Variants in RANBP2 observed in about 807,000 individuals in gnomAD.
RANBP2 encodes RAN binding protein 2.
RANBP2 carries 57 observed loss-of-function variants against 303.6 expected under a neutral mutation model. The observed-to-expected ratio is 0.19, with a 90% CI of 0.15 to 0.23. RANBP2 has a LOEUF of 0.23. Among genes scored for constraint, RANBP2 ranks in the 10% least tolerant of loss-of-function variants. RANBP2 has a pLI of 1.00. For synonymous variants in RANBP2, 1,167 were observed against 1,301.5 expected (o/e 0.90, Z 2.23); for missense variants, 3,138 against 3,780.8 (o/e 0.83, Z 4.46).
At chr2:108,977,231 G>A in the RANBP2 span, among the ~76,000 whole-genome samples, 2 of 152,080 alleles carry the variant, frequency 1.3e-5, no homozygotes, top group African/African-American at 4.8e-5. Context: ...TTTGCCGCCG[G>A]GAGATCTGGT....
chr2:109,283,259 C>T, the RANBP2 span, among the ~76,000 whole-genome samples: 1 of 152,208 alleles, frequency 6.6e-6, no homozygotes, highest in Admixed American at 6.5e-5. Context: ...GCCATGGCCA[C>T]AGCCTTCCCC....
the RANBP2 span, among the ~76,000 whole-genome samples, chr2:109,271,518 C>T: frequency 2.0e-5 from 3 of 152,206 alleles, no homozygotes; most frequent in Non-Finnish European, 4.4e-5. Flanking sequence ...AACATGACAG[C>T]AGTGAACAGA....
At chr2:109,702,010 G>C in the RANBP2 span, among the ~76,000 whole-genome samples, 4,541 of 152,286 alleles carry the variant, frequency 0.03, 103 homozygotes, top group Non-Finnish European at 0.044. Context: ...TACATGGTTT[G>C]ACCTGAGGGA....
At chr2:109,514,967 G>C in the RANBP2 span, among the ~76,000 whole-genome samples, 17 of 142,516 alleles carry the variant, frequency 1.2e-4, no homozygotes, top group South Asian at 2.4e-4. Flanking sequence ...CCATTAGCCA[G>C]AGATGCCTGG....
At chr2:108,966,579 T>A in the RANBP2 span, among the ~76,000 whole-genome samples, 1 of 152,216 alleles carries the variant, frequency 6.6e-6, no homozygotes, top group African/African-American at 2.4e-5. Context: ...TGGACAATAG[T>A]CATCAGAGAG....
At chr2:109,078,245 G>A in the RANBP2 span, among the ~76,000 whole-genome samples, 3 of 33,936 alleles carry the variant, frequency 8.8e-5, no homozygotes, top group African/African-American at 2.0e-4. Flanking sequence ...TATATATAGC[G>A]TGTATATATA....
chr2:109,111,595 CTT>C, the RANBP2 span, among the ~76,000 whole-genome samples: 699 of 138,142 alleles, frequency 5.1e-3, 8 homozygotes, highest in African/African-American at 0.017. Context: ...TTTTTCTTTT[CTT>C]TTTTTTTTTT....
chr2:109,033,113 T>G, the RANBP2 span, among the ~76,000 whole-genome samples: 1 of 152,226 alleles, frequency 6.6e-6, no homozygotes, highest in Non-Finnish European at 1.5e-5. Context: ...CTTTCATGTT[T>G]GGTCATTACT....
At chr2:108,899,705 G>T in the RANBP2 span, among the ~76,000 whole-genome samples, 1 of 152,184 alleles carries the variant, frequency 6.6e-6, no homozygotes, top group Non-Finnish European at 1.5e-5. Flanking sequence ...CACCAGTAAG[G>T]CTGGGCACGG....
chr2:108,798,516 A>C, the RANBP2 span: 1 of 1,613,920 alleles, frequency 6.2e-7, no homozygotes, highest in Non-Finnish European at 8.5e-7. Context: ...CTTTTCAGAC[A>C]TGAAAATGCC....
At chr2:109,109,765 G>A in the RANBP2 span, among the ~76,000 whole-genome samples, 8 of 152,118 alleles carry the variant, frequency 5.3e-5, no homozygotes, top group African/African-American at 1.4e-4. Flanking sequence ...ATGCAATTAG[G>A]TGAATTTAAA....
chr2:109,090,208 A>G, the RANBP2 span, among the ~76,000 whole-genome samples: 2 of 151,810 alleles, frequency 1.3e-5, no homozygotes, highest in African/African-American at 4.8e-5. Flanking sequence ...CCTGCTGCCA[A>G]TGGTACTCTG....
chr2:109,472,028 T>C, the RANBP2 span, among the ~76,000 whole-genome samples: 1 of 152,230 alleles, frequency 6.6e-6, no homozygotes, highest in East Asian at 1.9e-4. Flanking sequence ...TGTGGCCCTG[T>C]AGCACAGTGT....
the RANBP2 span, among the ~76,000 whole-genome samples, chr2:109,174,809 G>A: frequency 0.028 from 4,193 of 152,276 alleles, 174 homozygotes; most frequent in African/African-American, 0.094. Context: ...TGAGGGCAGG[G>A]GCTTAGCGTG....
At chr2:109,688,892 C>T in the RANBP2 span, among the ~76,000 whole-genome samples, 1 of 149,340 alleles carries the variant, frequency 6.7e-6, no homozygotes, top group Admixed American at 6.8e-5. Context: ...TCCTTCCTTC[C>T]TTCCTTCCTT....
the RANBP2 span, among the ~76,000 whole-genome samples, chr2:109,181,522 G>A: frequency 6.6e-6 from 1 of 152,088 alleles, no homozygotes; most frequent in South Asian, 2.1e-4. Context: ...CAGCAGAAAA[G>A]TACCCAAAAG....
chr2:109,474,165 G>C, the RANBP2 span, among the ~76,000 whole-genome samples: 1 of 152,198 alleles, frequency 6.6e-6, no homozygotes, highest in African/African-American at 2.4e-5. Flanking sequence ...GGCCGCACCT[G>C]CGTAAGAGCA....
chr2:108,844,862 C>T, the RANBP2 span, among the ~76,000 whole-genome samples: 2 of 151,808 alleles, frequency 1.3e-5, no homozygotes, highest in African/African-American at 2.4e-5. Context: ...ATTCTCCTGC[C>T]TCACCCTCCT....
At chr2:109,391,868 C>G in the RANBP2 span, among the ~76,000 whole-genome samples, 54 of 152,188 alleles carry the variant, frequency 3.5e-4, 1 homozygote, top group Admixed American at 3.4e-3. Flanking sequence ...AAGACAGGGT[C>G]TTACTCTGTC....
Sources: allele counts gnomAD v4.1 joint callset (sites outside exome capture counted in the v4.1 genomes callset), GRCh38; gene constraint gnomAD v4.1.1; transcripts MANE v1.5; gene names NCBI Gene and HGNC (gene_info 2026-07-23, HGNC 2026-07-21).